The following HSD17B13 variants were observed in gnomAD, a reference collection of about 807,000 sequenced individuals.
HSD17B13 encodes the protein hydroxysteroid 17-beta dehydrogenase 13.
A neutral mutation model predicts 31.1 loss-of-function variants in HSD17B13; 26 were observed. The observed-to-expected ratio is 0.84, with a 90% confidence interval of 0.61 to 1.16. The LOEUF is 1.16. Among genes scored for constraint, HSD17B13 ranks in the 50% most tolerant of loss-of-function variants. HSD17B13 has a pLI of 0.00. For missense variants in HSD17B13, 374 were observed against 366.5 expected (o/e 1.02, Z -0.17); for synonymous variants, 141 against 133.7 (o/e 1.05, Z -0.38).
At chr4:87,321,567 C>A (rs1275896135) in intron 1 of HSD17B13, among the ~76,000 whole-genome samples, 1 of 152,150 alleles carries the variant, frequency 6.6e-6, no homozygotes, top group Non-Finnish European at 1.5e-5. Context: ...TTCTTGCTAT[C>A]TTCCAGAAAG....
In HSD17B13 at chr4:87,322,771, T is replaced by G. The variant is rs1734818369; in HGVS notation, c.71A>C (p.Lys24Thr). Residue 24 changes from lysine to threonine, a missense_variant, in exon 1 of 7, where the codon AAG (lysine) becomes ACG (threonine). Lys to Thr is a moderately conservative substitution (Grantham distance 78). Coordinates refer to ENST00000328546, the MANE Select transcript of HSD17B13 (RefSeq NM_178135.5). ...TTTTCTCCTCTGAGGAATGAAAAAC[T>G]TCACCAACGACTCCAAGTAGGAGTA... ...IIYSYLESLV[K>T]FFIPQRRKSV... is the part of the protein sequence containing the mutation. 1 of 1,614,030 alleles carries G rather than the reference T, an allele frequency of 6.2e-7. No individual in the cohort carries two copies. Among genetic ancestry groups the G allele is most frequent in the Middle Eastern group, 1.6e-4 (1 of 6,084 alleles).
intron 5 of HSD17B13, among the ~76,000 whole-genome samples, chr4:87,312,135 C>T (rs538691797): frequency 9.9e-5 from 15 of 152,246 alleles, no homozygotes; most frequent in African/African-American, 3.6e-4. Context: ...CTTAGGAAAG[C>T]TCATGGTACA....
Position 87,305,243 on chromosome 4 carries a change from AC to A in HSD17B13, c.877del (p.Val293LeufsTer7). On this transcript the variant is annotated frameshift_variant, in exon 7 of 7. Coordinates refer to ENST00000328546, the MANE Select transcript of HSD17B13 (RefSeq NM_178135.5). LOFTEE classifies it high-confidence loss of function. ...TCATTTCATTTTGATTTTGTGGCCA[AC>A]CACTGCTTCAAATTGAATATTCTGC... ...RMQNIQFEAV[V>X]GHKIKMK The A allele has an allele frequency of 1.2e-6, 2 of 1,608,010 alleles. No individual in the cohort carries two copies. The highest frequency in any genetic ancestry group is 1.7e-6 in the Non-Finnish European group (2 of 1,177,580).
At chr4:87,308,695 AAAAT>A (rs756510337) in intron 6 of HSD17B13, among the ~76,000 whole-genome samples, 1 of 149,422 alleles carries the variant, frequency 6.7e-6, no homozygotes, top group African/African-American at 2.4e-5. Context: ...AAATATAATA[AAAAT>A]AAATAAATAA....
intron 1 of HSD17B13, among the ~76,000 whole-genome samples, chr4:87,322,414 T>C (rs1388391849): frequency 6.6e-6 from 1 of 152,222 alleles, no homozygotes. Flanking sequence ...CCTGAGTCTT[T>C]CTATCAACCT....
At chr4:87,315,869 T>A (rs1734640078) in intron 3 of HSD17B13, among the ~76,000 whole-genome samples, 1 of 152,210 alleles carries the variant, frequency 6.6e-6, no homozygotes, top group Admixed American at 6.5e-5. Flanking sequence ...TTTGGATATG[T>A]CATCTAAACA....
rs150031335 is a variant in HSD17B13, at chr4:87,304,117, G to C, written c.*1101C>G. On this transcript the variant is annotated 3_prime_UTR_variant, in exon 7 of 7. Transcript: ENST00000328546. Reference sequence around the variant, plus strand: ...GAGGTCAGGAGATCGAGACCATCTTGGCTAACATGGTGAAACCCCGTCTCT... The same window carrying C: ...GAGGTCAGGAGATCGAGACCATCTTCGCTAACATGGTGAAACCCCGTCTCT... 0.059 allele frequency: 8,890 copies of C among 151,926 alleles called. 384 individuals carry two copies. Among genetic ancestry groups the C allele is most frequent in the African/African-American group, 0.11 (4,584 of 41,414 alleles). The allele number at this position is 151,926 out of a possible 1,614,324, so 9.4% of individuals were successfully genotyped here.
In HSD17B13 at chr4:87,315,595, G is replaced by T; in HGVS notation, c.455C>A (p.Thr152Lys). 6.3e-7 allele frequency: 1 copy of T among 1,591,024 alleles called. No homozygotes were observed. The highest frequency in any genetic ancestry group is 8.6e-7 in the Non-Finnish European group (1 of 1,161,004). ...CATCATCGATGGAAGAAGTGCTTTT[G>T]TGATCTTAAGGATCATTGCAGAAAG... The part of the protein sequence containing the change: ...EVNILGHFWI[T>K]KALLPSMMER... Residue 152 changes from threonine (T) to lysine (K), a missense_variant, in exon 4 of 7, where the codon ACA becomes AAA. Transcript: ENST00000328546.
chr4:87,318,474 G>A (rs1459000750), intron 1 of HSD17B13, 38 bp from the exon 2 acceptor site: 2 of 1,566,686 alleles, frequency 1.3e-6, no homozygotes, highest in Admixed American at 1.7e-5. Flanking sequence ...AAAAAGTGGA[G>A]GAGAAGACAT....
intron 4 of HSD17B13, 131 bp from the exon 5 acceptor site, chr4:87,314,091 A>G (rs1173599699): frequency 3.4e-6 from 2 of 587,136 alleles, no homozygotes; most frequent in Non-Finnish European, 5.6e-6. Flanking sequence ...GATTTTTCTG[A>G]GAGTATAAAT....
intron 6 of HSD17B13, among the ~76,000 whole-genome samples, chr4:87,309,562 G>A (rs1264077161): frequency 6.6e-6 from 1 of 152,082 alleles, no homozygotes; most frequent in African/African-American, 2.4e-5. Context: ...CAATATTGTT[G>A]ATATGTCAAT....
At chr4:87,318,117 A>G (rs1011802106) in intron 2 of HSD17B13, among the ~76,000 whole-genome samples, 3 of 152,186 alleles carry the variant, frequency 2.0e-5, no homozygotes, top group Admixed American at 6.5e-5. Context: ...TCAGAATGAA[A>G]TTGATTAATA....
chr4:87,310,753 T>C (rs915299842), intron 5 of HSD17B13, among the ~76,000 whole-genome samples: 1 of 152,250 alleles, frequency 6.6e-6, no homozygotes, highest in Non-Finnish European at 1.5e-5. Flanking sequence ...CTAAGTATAC[T>C]TTCTTTCTTG....
intron 1 of HSD17B13, among the ~76,000 whole-genome samples, chr4:87,321,584 C>T (rs761919706): frequency 1.3e-5 from 2 of 152,058 alleles, no homozygotes; most frequent in East Asian, 1.9e-4. Context: ...AAAGTTCATT[C>T]GAATTTCTTC....
chr4:87,317,563 CTTTT>C (rs869241617), intron 2 of HSD17B13, among the ~76,000 whole-genome samples: 13 of 49,710 alleles, frequency 2.6e-4, no homozygotes, highest in Non-Finnish European at 4.9e-4. Flanking sequence ...TTTCTTTAAA[CTTTT>C]TTTTTTTTTT....
At chr4:87,320,389 T>G (rs898749970) in intron 1 of HSD17B13, among the ~76,000 whole-genome samples, 9 of 142,798 alleles carry the variant, frequency 6.3e-5, no homozygotes, top group Non-Finnish European at 1.2e-4. Flanking sequence ...TCAGTTTTTT[T>G]TTTTTTTTTT....
rs772629638 is a variant in HSD17B13, at chr4:87,315,506, G to C, written c.544C>G (p.Leu182Val). ...SVCGHEGIPYLIPYCSSKFAA... is the reference protein window; with the variant it reads ...SVCGHEGIPYVIPYCSSKFAA... Reference sequence around the variant, plus strand: ...TGTGATACTTACCAATATGGGATGAGGTAAGGAATCCCTTCGTGGCCGCAC... The same window carrying C: ...TGTGATACTTACCAATATGGGATGACGTAAGGAATCCCTTCGTGGCCGCAC... The change falls in exon 4 of 7, where the codon CTC becomes GTC. Residue 182 changes from leucine (L) to valine (V), a missense_variant. Transcript: ENST00000328546. 1 of 1,602,956 alleles carries C rather than the reference G, an allele frequency of 6.2e-7. No homozygotes were observed. Among genetic ancestry groups the C allele is most frequent in the Non-Finnish European group, 8.5e-7 (1 of 1,170,722 alleles).
At chr4:87,310,173 A>T (rs1476762169) in intron 6 of HSD17B13, 70 bp downstream of exon 6, 3 of 414,172 alleles carry the variant, frequency 7.2e-6, no homozygotes, top group South Asian at 1.4e-4. Flanking sequence ...GACTCTGTCT[A>T]AAAAAAAAAA....
At chr4:87,311,155 GC>G (rs1457745298) in intron 5 of HSD17B13, among the ~76,000 whole-genome samples, 1 of 152,028 alleles carries the variant, frequency 6.6e-6, no homozygotes, top group African/African-American at 2.4e-5. Flanking sequence ...ACCCTATATG[GC>G]CTAAAAAGGG....
Sources: gnomAD v4.1 joint callset for allele counts (sites outside exome capture counted in the v4.1 genomes callset) on GRCh38, gnomAD v4.1.1 for gene constraint, MANE v1.5 for transcripts, NCBI Gene and HGNC (gene_info 2026-07-23, HGNC 2026-07-21) for gene names.